The following TMC2 variants were observed in gnomAD, a reference collection of about 807,000 sequenced individuals.
TMC2 encodes transmembrane channel-like protein 2.
TMC2 carries 102 observed loss-of-function variants against 105.9 expected under a neutral mutation model. The ratio of observed to expected loss-of-function variants is 0.96; its 90% confidence interval spans 0.82 to 1.14. TMC2 has a LOEUF of 1.14. Among genes scored for constraint, TMC2 ranks in the 50% most tolerant of loss-of-function variants. The pLI is 0.00. For missense variants in TMC2, 1,093 were observed against 1,134.3 expected, an observed-to-expected ratio of 0.96 and a Z score of 0.52; for synonymous variants, 402 against 422.8, an observed-to-expected ratio of 0.95 and a Z score of 0.60.
intron 2 of TMC2, among the ~76,000 whole-genome samples, chr20:2,545,709 AAGGAAGAAGAAGATG>A (rs991430717): frequency 5.4e-5 from 6 of 111,546 alleles, no homozygotes; most frequent in Admixed American, 2.0e-4. Context: ...AAGAAAGAAG[AAGGAAGAAGAAGATG>A]AGGAAGAAGA....
chr20:2,616,971 G>A lies in TMC2; in HGVS notation c.1941-101G>A, dbSNP rs539308628. On this transcript the variant is annotated intron_variant, in intron 15 of 19. Transcript: ENST00000358864. The surrounding 1 kb of genome is among the most constrained non-coding windows in gnomAD (Gnocchi z 4.8). ...TGGGGACTTGCCAGGAAAGCAGCTC[G>A]GCCTCATGCCCCTAACCCATCCGTC... 13 of 1,405,968 alleles carry A rather than the reference G, an allele frequency of 9.2e-6. No individual in the cohort carries two copies. The highest frequency in any genetic ancestry group is 2.8e-5 in the African/African-American group (2 of 70,806). 87.1% of individuals were successfully genotyped at this position (1,405,968 alleles called of 1,614,324 possible). A position where few individuals can be genotyped will look rare whatever the true frequency, so the allele number is the denominator to read the frequency against.
intron 18 of TMC2, among the ~76,000 whole-genome samples, chr20:2,636,522 C>G (rs1251942615): frequency 2.0e-5 from 3 of 150,124 alleles, no homozygotes; most frequent in Non-Finnish European, 4.5e-5. Context: ...AGACCCTAAC[C>G]CTCCCTAAGC....
At chr20:2,573,551 C>T (rs1011958276) in intron 5 of TMC2, among the ~76,000 whole-genome samples, 40 of 133,826 alleles carry the variant, frequency 3.0e-4, no homozygotes, top group Admixed American at 5.1e-4. Context: ...TTTTTTTTTT[C>T]TTTTCTTTTC....
intron 14 of TMC2, among the ~76,000 whole-genome samples, chr20:2,614,735 T>C (rs2086467483): frequency 1.3e-5 from 2 of 152,060 alleles, no homozygotes; most frequent in Non-Finnish European, 2.9e-5. Context: ...AAATAGATAC[T>C]ATCTACATGG....
chr20:2,599,968 T>C (rs1026582324), intron 10 of TMC2, among the ~76,000 whole-genome samples: 2 of 152,110 alleles, frequency 1.3e-5, no homozygotes, highest in African/African-American at 4.8e-5. Context: ...ACAGCATGGG[T>C]TTCCCAGCCC....
rs1375288474 is a variant in TMC2, at chr20:2,599,518, G to GT, written c.1224+2230dup. ...TTGTAAAAACCATTCCAAGTTCTTC[G>GT]TTTTTTTTTTCTTTAATTACATTTT... On this transcript the variant is annotated intron_variant, in intron 10 of 19. Transcript: ENST00000358864. Among the ~76,000 whole-genome samples, 40 of 100,094 alleles carry GT rather than the reference G, an allele frequency of 4.0e-4. No homozygotes were observed. In the South Asian group the frequency reaches 5.2e-3, roughly 13 times the overall value. 65.7% of individuals were successfully genotyped at this position (100,094 alleles called of 152,430 possible).
intron 7 of TMC2, among the ~76,000 whole-genome samples, chr20:2,582,622 C>T (rs1413077971): frequency 1.3e-5 from 2 of 151,838 alleles, no homozygotes; most frequent in Non-Finnish European, 2.9e-5. Flanking sequence ...ATTACAGGCA[C>T]GCACCACCAG....
At chr20:2,597,036 A>G (rs1252439187) in intron 9 of TMC2, 115 bp from the exon 10 acceptor site, 1 of 1,163,572 alleles carries the variant, frequency 8.6e-7, no homozygotes, top group Non-Finnish European at 1.2e-6. Context: ...TTGTCACTGA[A>G]TGTCAGCTAC....
chr20:2,544,068 A>ATTTTTT (rs3051737), intron 2 of TMC2, among the ~76,000 whole-genome samples: 4 of 132,482 alleles, frequency 3.0e-5, no homozygotes, highest in Non-Finnish European at 6.4e-5. Flanking sequence ...TGCCTAGCTG[A>ATTTTTT]TTTTTTTTTT....
At chr20:2,551,583 C>T (rs1450746305) in intron 2 of TMC2, among the ~76,000 whole-genome samples, 1 of 151,910 alleles carries the variant, frequency 6.6e-6, no homozygotes, top group Non-Finnish European at 1.5e-5. Flanking sequence ...AAATTGAAGG[C>T]CATTGCAGTT....
At chr20:2,550,413 C>A (rs13039294) in intron 2 of TMC2, among the ~76,000 whole-genome samples, 1 of 151,930 alleles carries the variant, frequency 6.6e-6, no homozygotes, top group Admixed American at 6.5e-5. Context: ...CTTTCCTCCC[C>A]TCACCGAATG....
chr20:2,542,304 A>G (rs949758572), intron 2 of TMC2, among the ~76,000 whole-genome samples: 5 of 152,170 alleles, frequency 3.3e-5, no homozygotes, highest in Non-Finnish European at 5.9e-5. Flanking sequence ...ACAAAGGAAA[A>G]GCGTTTTGGG....
intron 10 of TMC2, among the ~76,000 whole-genome samples, chr20:2,597,816 A>G (rs1254136935): frequency 6.6e-6 from 1 of 152,008 alleles, no homozygotes; most frequent in Non-Finnish European, 1.5e-5. Context: ...TCTTAATATG[A>G]CAGAGTATCC....
chr20:2,540,454 A>G (rs1302086691), intron 2 of TMC2, among the ~76,000 whole-genome samples: 1 of 151,862 alleles, frequency 6.6e-6, no homozygotes, highest in Non-Finnish European at 1.5e-5. Flanking sequence ...TAAGGTCAAT[A>G]GTTCAAGACT....
rs1209003440 is a variant in TMC2, at chr20:2,538,015, G to C, written c.82+699G>C. ...AATCTTGGGGAGTGATGGGGTTCTGGGGGGTTGGAAGAGATCTCCTTCCTC... is the reference window on the plus strand; with the variant it reads ...AATCTTGGGGAGTGATGGGGTTCTGCGGGGTTGGAAGAGATCTCCTTCCTC... On this transcript the variant is annotated intron_variant, in intron 2 of 19. Coordinates refer to ENST00000358864, the MANE Select transcript of TMC2 (RefSeq NM_080751.3). 2.6e-5 allele frequency among the ~76,000 whole-genome samples: 4 copies of C among 152,078 alleles called. No individual in the cohort carries two copies. The East Asian group carries it at 7.7e-4, about 29-fold the overall frequency.
chr20:2,626,438 A>T (rs1397339722), intron 17 of TMC2, among the ~76,000 whole-genome samples: 1 of 152,248 alleles, frequency 6.6e-6, no homozygotes, highest in South Asian at 2.1e-4. Context: ...TTTCAGGAGC[A>T]AGCATCCCAA....
At chr20:2,617,513 T>C (rs1017374771) in intron 16 of TMC2, 1 of 640,894 alleles carries the variant, frequency 1.6e-6, no homozygotes, top group Admixed American at 3.2e-5. Context: ...TTCATTTCAG[T>C]AGCCACCAGC....
intron 14 of TMC2, among the ~76,000 whole-genome samples, chr20:2,615,051 G>A (rs6050616): frequency 0.037 from 5,558 of 151,974 alleles, 330 homozygotes; most frequent in African/African-American, 0.12. Flanking sequence ...GTGGGGGTGC[G>A]GTGGCTCACA....
chr20:2,604,174 G>A (rs74532991), intron 11 of TMC2, among the ~76,000 whole-genome samples: 1 of 152,328 alleles, frequency 6.6e-6, no homozygotes, highest in East Asian at 1.9e-4. Flanking sequence ...TCGGGAGAAG[G>A]TTCCAGAGTT....
Sources: gnomAD v4.1 joint callset for allele counts (sites outside exome capture counted in the v4.1 genomes callset) on GRCh38, gnomAD v4.1.1 for gene constraint, Gnocchi (gnomAD v3.1) non-coding constraint, MANE v1.5 for transcripts, NCBI Gene and HGNC (gene_info 2026-07-23, HGNC 2026-07-21) for gene names.